CCSER1: variants seen among roughly 807,000 people sequenced by gnomAD.
The protein encoded by CCSER1 is coiled-coil serine rich protein 1.
CCSER1 carries 41 observed loss-of-function variants against 82.0 expected under a neutral mutation model. The ratio of observed to expected loss-of-function variants is 0.50; its 90% CI spans 0.39 to 0.65. The LOEUF is 0.65. CCSER1 is among the 30% of genes least tolerant of loss of function. The probability of loss-of-function intolerance (pLI) is 0.00; values close to 1 mark genes in which losing one functional copy is unlikely to be tolerated. For synonymous variants in CCSER1, 414 were observed against 383.9 expected (o/e 1.08, Z -0.92); for missense variants, 1,119 against 1,064.2 (o/e 1.05, Z -0.72).
intron 5 of CCSER1, among the ~76,000 whole-genome samples, chr4:90,580,674 C>A (rs405468): frequency 6.6e-6 from 1 of 152,168 alleles, no homozygotes; most frequent in African/African-American, 2.4e-5. Flanking sequence ...TATGCAGGGT[C>A]TGAGCAACTT....
chr4:90,157,900 T>G (rs1728592995), intron 1 of CCSER1, among the ~76,000 whole-genome samples: 1 of 152,252 alleles, frequency 6.6e-6, no homozygotes, highest in African/African-American at 2.4e-5. Flanking sequence ...CGTCCAGCTT[T>G]GTTCCGTTGC....
chr4:90,309,036 T>A lies in CCSER1; in HGVS notation c.752T>A (p.Leu251His). 1 of 1,613,888 alleles carries A rather than the reference T, an allele frequency of 6.2e-7. No individual in the cohort carries two copies. Among genetic ancestry groups the A allele is most frequent in the Non-Finnish European group, 8.5e-7 (1 of 1,179,856 alleles). ...SLQSPLLSAD[L>H]TTAQTPSEFL... ...CAATCTCCTTTGCTTTCTGCTGATC[T>A]TACCACAGCTCAGACACCTTCAGAA... Residue 251 changes from leucine (L) to histidine (H), a missense_variant, in exon 2 of 11, where the codon CTT (leucine) becomes CAT (histidine). Transcript: ENST00000509176.
intron 10 of CCSER1, among the ~76,000 whole-genome samples, chr4:91,279,130 A>C (rs892936397): frequency 2.0e-5 from 3 of 152,134 alleles, no homozygotes; most frequent in Non-Finnish European, 2.9e-5. Flanking sequence ...TCTGTTAAGA[A>C]ATCTGCTGTT....
chr4:90,142,307 T>G (rs1020895298), intron 1 of CCSER1, among the ~76,000 whole-genome samples: 9 of 152,218 alleles, frequency 5.9e-5, no homozygotes, highest in Admixed American at 2.0e-4. Context: ...CCTAAGTCCA[T>G]GAAACCTTCC....
intron 9 of CCSER1, among the ~76,000 whole-genome samples, chr4:90,987,716 T>C (rs1026103455): frequency 6.6e-6 from 1 of 151,820 alleles, no homozygotes; most frequent in Admixed American, 6.6e-5. Flanking sequence ...AAATGTGTTG[T>C]ACACAGGTCA....
intron 10 of CCSER1, among the ~76,000 whole-genome samples, chr4:91,275,921 T>C (rs1278270126): frequency 6.6e-6 from 1 of 152,206 alleles, no homozygotes; most frequent in Non-Finnish European, 1.5e-5. Flanking sequence ...GGGACTCCTT[T>C]ACTCCAATTT....
chr4:90,654,812 G>T (rs1306967465), intron 6 of CCSER1, among the ~76,000 whole-genome samples: 1 of 151,982 alleles, frequency 6.6e-6, no homozygotes, highest in African/African-American at 2.4e-5. Context: ...TGATGTTTTT[G>T]CCAGAAAAGA....
intron 10 of CCSER1, among the ~76,000 whole-genome samples, chr4:91,093,011 C>A (rs754795651): frequency 6.6e-6 from 1 of 152,106 alleles, no homozygotes; most frequent in Non-Finnish European, 1.5e-5. Context: ...ATTTAATAGG[C>A]CTTTTTCTTT....
intron 10 of CCSER1, among the ~76,000 whole-genome samples, chr4:91,458,175 A>G (rs1756299413): frequency 6.6e-6 from 1 of 152,062 alleles, no homozygotes; most frequent in Non-Finnish European, 1.5e-5. Flanking sequence ...GTTTTTGTAT[A>G]TATAGAGAGA....
intron 9 of CCSER1, among the ~76,000 whole-genome samples, chr4:91,069,270 T>C (rs967047487): frequency 1.3e-5 from 2 of 152,202 alleles, no homozygotes; most frequent in Non-Finnish European, 2.9e-5. Flanking sequence ...AGTTTATTAA[T>C]TTTCCTGAAA....
chr4:90,165,145 C>T (rs942713508), intron 1 of CCSER1, among the ~76,000 whole-genome samples: 2 of 151,944 alleles, frequency 1.3e-5, no homozygotes, highest in Non-Finnish European at 2.9e-5. Flanking sequence ...AATGCTTATG[C>T]TTCATTAGTT....
chr4:90,407,001 G>T (rs1355466776), intron 4 of CCSER1, among the ~76,000 whole-genome samples: 1 of 151,892 alleles, frequency 6.6e-6, no homozygotes, highest in African/African-American at 2.4e-5. Context: ...AATAAATAAT[G>T]AAATTCAGAG....
chr4:90,277,129 A>G (rs1355639814), intron 1 of CCSER1, among the ~76,000 whole-genome samples: 1 of 152,086 alleles, frequency 6.6e-6, no homozygotes, highest in African/African-American at 2.4e-5. Context: ...ACTATGTTAA[A>G]TACGAGTGGT....
intron 5 of CCSER1, among the ~76,000 whole-genome samples, chr4:90,570,603 G>A (rs1779998835): frequency 6.6e-6 from 1 of 152,108 alleles, no homozygotes; most frequent in Admixed American, 6.5e-5. Flanking sequence ...GAGAGGGGGT[G>A]AATGCAGCCT....
chr4:91,415,669 A>G (rs1753316300), intron 10 of CCSER1, among the ~76,000 whole-genome samples: 1 of 152,132 alleles, frequency 6.6e-6, no homozygotes, highest in South Asian at 2.1e-4. Flanking sequence ...TGGAATAATC[A>G]TATGGTTTCT....
chr4:91,059,372 T>C (rs1012669454), intron 9 of CCSER1, among the ~76,000 whole-genome samples: 48 of 90,896 alleles, frequency 5.3e-4, no homozygotes, highest in African/African-American at 1.9e-3. Context: ...TGTGTGTGTG[T>C]GCGCATGCAC....
chr4:91,584,631 T>C (rs1203436717), intron 10 of CCSER1, among the ~76,000 whole-genome samples: 2 of 151,528 alleles, frequency 1.3e-5, no homozygotes, highest in African/African-American at 4.8e-5. Flanking sequence ...GTGAAAAAAA[T>C]TAAATACATT....
In CCSER1 at chr4:90,702,547, G is replaced by A. The variant is rs192482959; in HGVS notation, c.1933-21367G>A. On this transcript the variant is annotated intron_variant, in intron 6 of 10. Coordinates refer to ENST00000509176, the MANE Select transcript of CCSER1 (RefSeq NM_001145065.2). ...GATTGGAATCATTTCAGAAGGAATG[G>A]TACCAGCTCCTCCTTGTACCACTGC... 3.9e-5 allele frequency among the ~76,000 whole-genome samples: 6 copies of A among 152,290 alleles called. No homozygotes were observed. In the East Asian group the frequency reaches 9.7e-4, roughly 24 times the overall value.
At chr4:90,571,908 A>G (rs1780162397) in intron 5 of CCSER1, among the ~76,000 whole-genome samples, 1 of 152,172 alleles carries the variant, frequency 6.6e-6, no homozygotes, top group African/African-American at 2.4e-5. Context: ...TAAGATATAA[A>G]TAACTTATGC....
Sources: allele counts gnomAD v4.1 joint callset (sites outside exome capture counted in the v4.1 genomes callset), GRCh38; gene constraint gnomAD v4.1.1; transcripts MANE v1.5; gene names NCBI Gene and HGNC (gene_info 2026-07-23, HGNC 2026-07-21).